GRIA1: variants seen among roughly 807,000 people sequenced by gnomAD.
GRIA1 encodes glutamate ionotropic receptor AMPA type subunit 1, also known as glutamate receptor 1.
In GRIA1, 31 loss-of-function variants were observed where a neutral mutation model predicts 99.2. That is an observed-to-expected ratio of 0.31 (90% CI 0.23 to 0.42). GRIA1 has a LOEUF of 0.42. Among genes scored for constraint, GRIA1 ranks in the 10% least tolerant of loss-of-function variants. The pLI is 1.00. For missense variants in GRIA1, 782 were observed against 1,157.5 expected (o/e 0.68, Z 4.71); for synonymous variants, 438 against 432.4 (o/e 1.01, Z -0.16).
intron 2 of GRIA1, among the ~76,000 whole-genome samples, chr5:153,541,924 G>A (rs1486998359): frequency 6.9e-5 from 3 of 43,366 alleles, no homozygotes; most frequent in African/African-American, 1.8e-4. Flanking sequence ...ACGAGATCCT[G>A]TTTCAAAAAA....
At position 153,490,824 on chromosome 5, in the gene GRIA1, AAG is replaced by A. The variant is rs1753843027; in HGVS notation, c.-64_-63del. 8.7e-7 allele frequency: 1 copy of A among 1,146,144 alleles called. No individual in the cohort carries two copies. The highest frequency in any genetic ancestry group is 1.3e-6 in the Non-Finnish European group (1 of 752,634). 71.0% of individuals were successfully genotyped at this position (1,146,144 alleles called of 1,614,324 possible). ...CAGAACAGCGAGAAGAATAAAGGGA[AAG>A]GGGGGGAAACACCAAATCTATGATT... On this transcript the variant is annotated 5_prime_UTR_variant, in exon 1 of 16. Coordinates refer to ENST00000285900, the MANE Select transcript of GRIA1 (RefSeq NM_000827.4).
chr5:153,721,414 CAACTAATTTTCAGAA>C (rs1396067042), intron 11 of GRIA1, among the ~76,000 whole-genome samples: 1 of 151,892 alleles, frequency 6.6e-6, no homozygotes, highest in Non-Finnish European at 1.5e-5. Flanking sequence ...ATATACAGCC[CAACTAATTTTCAGAA>C]AACTAATTTT....
chr5:153,516,745 C>T (rs1189555001), intron 2 of GRIA1, among the ~76,000 whole-genome samples: 1 of 152,142 alleles, frequency 6.6e-6, no homozygotes, highest in East Asian at 1.9e-4. Context: ...TATCAAAGCA[C>T]TTGGGCAGCA....
intron 11 of GRIA1, chr5:153,755,741 C>G (rs957237094): frequency 1.3e-5 from 2 of 152,206 alleles, no homozygotes; most frequent in South Asian, 2.1e-4. Context: ...ATCCCCCTAA[C>G]AACAATAAGA....
At chr5:153,571,597 G>C (rs536389325) in intron 2 of GRIA1, among the ~76,000 whole-genome samples, 1 of 152,218 alleles carries the variant, frequency 6.6e-6, no homozygotes, top group Admixed American at 6.5e-5. Flanking sequence ...TGGTGGGCTA[G>C]ACTTGGCCCA....
At position 153,533,224 on chromosome 5, in the gene GRIA1, A is replaced by G. The variant is rs2113445173; in HGVS notation, c.220+39159A>G. ...CAGAAGGGTCAGGCAAGTATCGTGA[A>G]TGGAGGCTGGACCAGGGAGCCCATG... is the stretch of plus-strand genomic sequence containing the variant. On this transcript the variant is annotated intron_variant, in intron 2 of 15. Transcript: ENST00000285900. 2.0e-5 allele frequency among the ~76,000 whole-genome samples: 3 copies of G among 152,318 alleles called. No individual in the cohort carries two copies. In the South Asian group the frequency reaches 6.2e-4, roughly 32 times the overall value.
intron 2 of GRIA1, among the ~76,000 whole-genome samples, chr5:153,612,926 A>T (rs1766128768): frequency 6.6e-6 from 1 of 152,046 alleles, no homozygotes; most frequent in Admixed American, 6.6e-5. Context: ...AGCTGGAAAA[A>T]AAAAAAAGAA....
intron 12 of GRIA1, among the ~76,000 whole-genome samples, chr5:153,769,267 A>G (rs1262094772): frequency 2.0e-5 from 3 of 152,190 alleles, no homozygotes; most frequent in Non-Finnish European, 4.4e-5. Flanking sequence ...AAAAAGATGT[A>G]TTCTAGGTCC....
intron 2 of GRIA1, among the ~76,000 whole-genome samples, chr5:153,507,667 G>C (rs1755668591): frequency 6.6e-6 from 1 of 152,084 alleles, no homozygotes; most frequent in African/African-American, 2.4e-5. Flanking sequence ...CCTTCTGACT[G>C]TCATCTTCAT....
chr5:153,598,825 A>G (rs1764643297), intron 2 of GRIA1, among the ~76,000 whole-genome samples: 1 of 152,122 alleles, frequency 6.6e-6, no homozygotes, highest in African/African-American at 2.4e-5. Flanking sequence ...CTAACATTCA[A>G]TAATTTAGGT....
chr5:153,708,985 G>C (rs1281545096), intron 11 of GRIA1, among the ~76,000 whole-genome samples: 1 of 152,218 alleles, frequency 6.6e-6, no homozygotes, highest in Non-Finnish European at 1.5e-5. Flanking sequence ...TCTCCCTTGA[G>C]AGAGTGAGAA....
chr5:153,759,686 G>T (rs1018921361), intron 11 of GRIA1, among the ~76,000 whole-genome samples: 1 of 151,818 alleles, frequency 6.6e-6, no homozygotes, highest in Admixed American at 6.6e-5. Context: ...GGAGGAAGTT[G>T]TTCCAAACTC....
intron 2 of GRIA1, among the ~76,000 whole-genome samples, chr5:153,532,045 T>C (rs1758140874): frequency 6.6e-6 from 1 of 152,204 alleles, no homozygotes; most frequent in African/African-American, 2.4e-5. Flanking sequence ...TGGCTTTTTA[T>C]TTCTATCCAG....
intron 2 of GRIA1, among the ~76,000 whole-genome samples, chr5:153,566,724 T>TC (rs1411639366): frequency 2.0e-5 from 3 of 148,522 alleles, no homozygotes; most frequent in Non-Finnish European, 4.5e-5. Context: ...GTCTTTTTTT[T>TC]TTTTTTTTTG....
chr5:153,561,080 A>G (rs1172000482), intron 2 of GRIA1, among the ~76,000 whole-genome samples: 1 of 152,184 alleles, frequency 6.6e-6, no homozygotes, highest in Non-Finnish European at 1.5e-5. Context: ...CATTGGAGTA[A>G]AGGATTCTCA....
intron 2 of GRIA1, among the ~76,000 whole-genome samples, chr5:153,526,799 A>C (rs558344244): frequency 2.0e-5 from 3 of 152,368 alleles, no homozygotes; most frequent in Admixed American, 2.0e-4. Context: ...AAAGATCAGC[A>C]GCTTTGGACT....
intron 5 of GRIA1, among the ~76,000 whole-genome samples, chr5:153,659,058 A>T (rs942822314): frequency 6.6e-6 from 1 of 152,148 alleles, no homozygotes; most frequent in African/African-American, 2.4e-5. Flanking sequence ...ATTCTTGGAC[A>T]ACTCTCCAAT....
intron 11 of GRIA1, among the ~76,000 whole-genome samples, chr5:153,723,307 G>A (rs902022187): frequency 7.2e-5 from 11 of 152,350 alleles, no homozygotes; most frequent in Middle Eastern, 3.4e-3. Context: ...AGCTCCCAGC[G>A]TGAGTGACAG....
At chr5:153,492,183 A>G in intron 1 of GRIA1, 1 of 1,522,434 alleles carries the variant, frequency 6.6e-7, no homozygotes, top group African/African-American at 1.4e-5. Context: ...TGCAATTGAT[A>G]TTTTGTCGGG....
Sources: gnomAD v4.1 joint callset for allele counts (sites outside exome capture counted in the v4.1 genomes callset) on GRCh38, gnomAD v4.1.1 for gene constraint, MANE v1.5 for transcripts, NCBI Gene and HGNC (gene_info 2026-07-23, HGNC 2026-07-21) for gene names.